DCDC2C: variants seen among roughly 807,000 people sequenced by gnomAD.
The protein encoded by DCDC2C is doublecortin domain-containing protein 2C.
A neutral mutation model predicts 45.0 loss-of-function variants in DCDC2C; 44 were observed. That is an observed-to-expected ratio of 0.98 (90% CI 0.77 to 1.26). The LOEUF (loss-of-function observed/expected upper bound fraction) is 1.26, where lower values mean the gene tolerates loss of function less well. Among genes scored for constraint, DCDC2C ranks in the 50% most tolerant of loss-of-function variants. The pLI, the probability that DCDC2C is intolerant of heterozygous loss-of-function variation, is 0.00. For synonymous variants in DCDC2C, 187 were observed against 178.8 expected, an observed-to-expected ratio of 1.05 and a Z score of -0.37; for missense variants, 447 against 468.9, an observed-to-expected ratio of 0.95 and a Z score of 0.43.
chr2:3,779,922 T>C (rs868485469), intron 9 of DCDC2C, among the ~76,000 whole-genome samples: 1 of 152,144 alleles, frequency 6.6e-6, no homozygotes, highest in South Asian at 2.1e-4. Flanking sequence ...GGGTGTTTGT[T>C]GGAAGGGATA....
At position 3,778,235 on chromosome 2, in the gene DCDC2C, G is replaced by A. The variant is rs578195250; in HGVS notation, c.955-581G>A. ...TGTGCAGCACGCATACTTGGTTGGC[G>A]TGTTATTGCAGCCTCATCAGCCTGT... On this transcript the variant is annotated intron_variant, in intron 8 of 10. Transcript: ENST00000399143. Among the ~76,000 whole-genome samples, 19 of 152,360 alleles carry A rather than the reference G, an allele frequency of 1.2e-4. No homozygotes were observed. The East Asian group carries it at 2.5e-3, about 20-fold the overall frequency.
intron 6 of DCDC2C, among the ~76,000 whole-genome samples, chr2:3,759,810 A>G (rs1046449789): frequency 6.6e-6 from 1 of 152,196 alleles, no homozygotes; most frequent in African/African-American, 2.4e-5. Flanking sequence ...TGGGATTATC[A>G]TTGTGGATTC....
chr2:3,762,102 A>C (rs188220521), intron 6 of DCDC2C, among the ~76,000 whole-genome samples: 1 of 150,420 alleles, frequency 6.6e-6, no homozygotes, highest in African/African-American at 2.4e-5. Flanking sequence ...CGTGAGGTTC[A>C]TGCATGCTTC....
At chr2:3,723,313 G>A (rs1264619638) in intron 2 of DCDC2C, among the ~76,000 whole-genome samples, 2 of 152,218 alleles carry the variant, frequency 1.3e-5, no homozygotes, top group Non-Finnish European at 2.9e-5. Context: ...AGGATGAAGT[G>A]CTTGGATGAA....
At chr2:3,751,332 C>T (rs963793237) in intron 4 of DCDC2C, among the ~76,000 whole-genome samples, 1 of 152,204 alleles carries the variant, frequency 6.6e-6, no homozygotes, top group Non-Finnish European at 1.5e-5. Context: ...GACTGACTGT[C>T]CCCAGGCCCC....
In DCDC2C at chr2:3,711,249, T is replaced by C. The variant is rs141672543; in HGVS notation, c.339+2649T>C. ...CAGCATGGTGACTGCTCAAAGACAC[T>C]AGAGGCAGAAATAGCATTTGGCCCA... is the stretch of plus-strand genomic sequence containing the variant. On this transcript the variant is annotated intron_variant, in intron 2 of 10. Coordinates refer to ENST00000399143, the MANE Select transcript of DCDC2C (RefSeq NM_001287444.2). Among the ~76,000 whole-genome samples the C allele has an allele frequency of 7.0e-3, 1,062 of 152,268 alleles. 17 individuals are homozygous for C. The highest frequency in any genetic ancestry group is 0.025 in the African/African-American group (1,031 of 41,570).
At chr2:3,837,338 T>C (rs1672107569) in intron 10 of DCDC2C, among the ~76,000 whole-genome samples, 1 of 152,202 alleles carries the variant, frequency 6.6e-6, no homozygotes, top group Admixed American at 6.5e-5. Flanking sequence ...ATGGAAGTCA[T>C]TCATAGCCTA....
intron 10 of DCDC2C, among the ~76,000 whole-genome samples, chr2:3,840,551 C>T (rs1009608954): frequency 1.3e-5 from 2 of 152,194 alleles, no homozygotes; most frequent in African/African-American, 2.4e-5. Context: ...TTACTGAAAT[C>T]GGCCCTAAAT....
At position 3,829,139 on chromosome 2, in the gene DCDC2C, ACCT is replaced by A. The variant is rs559097225; in HGVS notation, c.1066-18011_1066-18009del. ...AGGGCCTGTGATGCTGGCTTTAGAA[ACCT>A]CCTTCTTTTGCAGTGTGTGTGCAAC... On this transcript the variant is annotated intron_variant, in intron 10 of 10. Coordinates refer to ENST00000399143, the MANE Select transcript of DCDC2C (RefSeq NM_001287444.2). Among the ~76,000 whole-genome samples the A allele has an allele frequency of 1.3e-4, 19 of 151,502 alleles. No individual in the cohort carries two copies. In the East Asian group the frequency reaches 3.3e-3, roughly 26 times the overall value.
chr2:3,791,856 G>C (rs1670820339), intron 10 of DCDC2C, among the ~76,000 whole-genome samples: 1 of 152,230 alleles, frequency 6.6e-6, no homozygotes, highest in Non-Finnish European at 1.5e-5. Context: ...CCGCCACAGG[G>C]CATTCTGTGT....
intron 6 of DCDC2C, among the ~76,000 whole-genome samples, chr2:3,765,465 G>T (rs755782864): frequency 4.6e-5 from 7 of 152,170 alleles, no homozygotes; most frequent in Non-Finnish European, 8.8e-5. Flanking sequence ...TAGCAGCACA[G>T]GTATGGTGCA....
intron 10 of DCDC2C, among the ~76,000 whole-genome samples, chr2:3,823,798 T>C (rs897081223): frequency 6.6e-6 from 1 of 152,244 alleles, no homozygotes; most frequent in African/African-American, 2.4e-5. Flanking sequence ...CAAATTCAAC[T>C]GTAATTTTCA....
chr2:3,823,450 G>A (rs752507224), intron 10 of DCDC2C, among the ~76,000 whole-genome samples: 1 of 152,144 alleles, frequency 6.6e-6, no homozygotes, highest in Non-Finnish European at 1.5e-5. Flanking sequence ...TTCTGCTGTT[G>A]TTGGGTAGAG....
rs79406267 is a variant in DCDC2C, at chr2:3,769,367, G to A, written c.910G>A (p.Val304Ile). ...CAAGGAAACCCAAGGGGCGCTGGAC[G>A]TCAAAGAGGAGCACAATGTGCAGCT... is the stretch of plus-strand genomic sequence containing the variant. ...PSKETQGALD[V>I]KEEHNVQLEV... Residue 304 changes from valine to isoleucine, a missense_variant, in exon 8 of 11, where the codon GTC becomes ATC. Val to Ile is a conservative substitution (Grantham distance 29). Transcript: ENST00000399143. The A allele has an allele frequency of 0.045, 69,142 of 1,550,544 alleles. 1,768 individuals carry two copies. The highest frequency in any genetic ancestry group is 0.05 in the Non-Finnish European group (57,503 of 1,146,936).
In DCDC2C at chr2:3,778,847, A is replaced by G; in HGVS notation, c.986A>G (p.Glu329Gly). Residue 329 changes from glutamate (E) to glycine (G), a missense_variant, in exon 9 of 11, where the codon GAG becomes GGG. By Grantham distance (98) the Glu-to-Gly change is moderately conservative (BLOSUM62 -2). Transcript: ENST00000399143. Reference sequence around the variant, plus strand: ...GCTGAGATAGTTAAAGAAGATGAAGAGATACATGAGAACACCCCTGATTTT... The same window carrying G: ...GCTGAGATAGTTAAAGAAGATGAAGGGATACATGAGAACACCCCTGATTTT... ...RQAEIVKEDE[E>G]IHENTPDFEG... The G allele has an allele frequency of 6.4e-7, 1 of 1,551,124 alleles. No homozygotes were observed. Among genetic ancestry groups the G allele is most frequent in the Non-Finnish European group, 8.7e-7 (1 of 1,147,092 alleles).
chr2:3,806,427 G>T (rs756762864), intron 10 of DCDC2C, among the ~76,000 whole-genome samples: 1 of 152,226 alleles, frequency 6.6e-6, no homozygotes, highest in Non-Finnish European at 1.5e-5. Context: ...CCTGTGTTCT[G>T]TGAGTGCCCG....
chr2:3,719,355 G>A (rs933176068), intron 2 of DCDC2C, among the ~76,000 whole-genome samples: 3 of 152,194 alleles, frequency 2.0e-5, no homozygotes, highest in Admixed American at 6.5e-5. Flanking sequence ...AAAGTGCTGG[G>A]ATTACAGGTG....
chr2:3,755,738 G>A (rs76180829), intron 6 of DCDC2C, among the ~76,000 whole-genome samples: 14,972 of 152,060 alleles, frequency 0.098, 1,044 homozygotes, highest in East Asian at 0.35. Flanking sequence ...TTGTATGGAT[G>A]TGTGTATGGA....
At chr2:3,730,651 T>G (rs935673826) in intron 3 of DCDC2C, among the ~76,000 whole-genome samples, 6 of 152,118 alleles carry the variant, frequency 3.9e-5, no homozygotes, top group Admixed American at 6.5e-5. Context: ...TAACGACTGG[T>G]CAGCTGCTTA....
Sources: gnomAD v4.1 joint callset for allele counts (sites outside exome capture counted in the v4.1 genomes callset) on GRCh38, gnomAD v4.1.1 for gene constraint, MANE v1.5 for transcripts, NCBI Gene and HGNC (gene_info 2026-07-23, HGNC 2026-07-21) for gene names.